CCN4: variants seen among roughly 807,000 people sequenced by gnomAD.
The protein encoded by CCN4 is cellular communication network factor 4.
A neutral mutation model predicts 36.7 loss-of-function variants in CCN4; 30 were observed. That is an observed-to-expected ratio of 0.82 (90% CI 0.61 to 1.11). The LOEUF (loss-of-function observed/expected upper bound fraction) is 1.11, where lower values mean the gene tolerates loss of function less well. CCN4 is among the 50% of genes least tolerant of loss of function. The pLI is 0.00. For missense variants in CCN4, 505 were observed against 504.9 expected (o/e 1.00, Z 0.00); for synonymous variants, 191 against 195.4 (o/e 0.98, Z 0.19).
At chr8:133,215,634 C>T (rs1424620417) in intron 2 of CCN4, among the ~76,000 whole-genome samples, 8 of 152,106 alleles carry the variant, frequency 5.3e-5, no homozygotes, top group Non-Finnish European at 1.0e-4. Context: ...CCTCCTCACC[C>T]CCTATCTCTG....
intron 1 of CCN4, among the ~76,000 whole-genome samples, chr8:133,210,538 A>G (rs1413697623): frequency 6.6e-6 from 1 of 152,108 alleles, no homozygotes; most frequent in Non-Finnish European, 1.5e-5. Context: ...GCCAACCCCA[A>G]GAGCTCTCTG....
At chr8:133,207,551 T>C (rs1451153386) in intron 1 of CCN4, among the ~76,000 whole-genome samples, 1 of 152,258 alleles carries the variant, frequency 6.6e-6, no homozygotes, top group Non-Finnish European at 1.5e-5. Context: ...AGGCAGACCT[T>C]GGTTCCATCC....
At chr8:133,194,644 T>TGTTGA (rs1853276856) in intron 1 of CCN4, among the ~76,000 whole-genome samples, 1 of 90,454 alleles carries the variant, frequency 1.1e-5, no homozygotes, top group African/African-American at 4.5e-5. Context: ...GTGGGGTGTG[T>TGTTGA]GCGTGTGTGC....
At chr8:133,225,756 A>T (rs1854711504) in intron 4 of CCN4, among the ~76,000 whole-genome samples, 173 bp downstream of exon 4, 1 of 152,198 alleles carries the variant, frequency 6.6e-6, no homozygotes, top group African/African-American at 2.4e-5. Context: ...AGATTGGTGC[A>T]TTGTGAATTT....
At chr8:133,209,429 T>C (rs1853906109) in intron 1 of CCN4, among the ~76,000 whole-genome samples, 1 of 152,126 alleles carries the variant, frequency 6.6e-6, no homozygotes, top group African/African-American at 2.4e-5. Flanking sequence ...TCTGGGAGAT[T>C]TTCTACCACT....
rs563542574 is a variant in CCN4, at chr8:133,230,146, T to C, written c.*2436T>C. On this transcript the variant is annotated 3_prime_UTR_variant, in exon 5 of 5. Transcript: ENST00000250160. ...AATGGGTGCAGGAAGGTGGTCAGAA[T>C]AACCCAGTCGCCATTGGTTTTGAGA... 5 of 152,362 alleles carry C rather than the reference T, an allele frequency of 3.3e-5. No individual in the cohort carries two copies. In the South Asian group the frequency reaches 1.0e-3, roughly 32 times the overall value. 9.4% of individuals were successfully genotyped at this position (152,362 alleles called of 1,614,324 possible). A position where few individuals can be genotyped will look rare whatever the true frequency, so the allele number is the denominator to read the frequency against.
intron 3 of CCN4, among the ~76,000 whole-genome samples, chr8:133,223,689 T>C (rs1854617361): frequency 6.6e-6 from 1 of 152,056 alleles, no homozygotes; most frequent in African/African-American, 2.4e-5. Flanking sequence ...TCTTTCTCTC[T>C]CTTTTCTCTG....
intron 1 of CCN4, among the ~76,000 whole-genome samples, chr8:133,193,703 A>C (rs188795063): frequency 2.0e-5 from 3 of 152,360 alleles, no homozygotes; most frequent in East Asian, 3.9e-4. Context: ...CTTAACAGAT[A>C]TGAAAACTGA....
intron 2 of CCN4, among the ~76,000 whole-genome samples, chr8:133,215,284 A>C (rs2130592957): frequency 6.6e-6 from 1 of 152,266 alleles, no homozygotes; most frequent in Non-Finnish European, 1.5e-5. Flanking sequence ...ATGCATGCTA[A>C]AGTTCAAGAA....
chr8:133,226,184 T>G (rs1316165616), intron 4 of CCN4, among the ~76,000 whole-genome samples: 1 of 152,220 alleles, frequency 6.6e-6, no homozygotes, highest in Non-Finnish European at 1.5e-5. Context: ...TGGATCTGAT[T>G]TATCTAATTC....
rs185239347 is a variant in CCN4 at position 133,217,198 on chromosome 8, G to T, written c.350-3383G>T. Reference sequence around the variant, plus strand: ...TGGCAGGAGCTGAATAAAGAGTACAGCTCACCCCAGTTCCCATCCATCCAT... The same window carrying T: ...TGGCAGGAGCTGAATAAAGAGTACATCTCACCCCAGTTCCCATCCATCCAT... On this transcript the variant is annotated intron_variant, in intron 2 of 4. Transcript: ENST00000250160. Among the ~76,000 whole-genome samples, 22 of 152,338 alleles carry T rather than the reference G, an allele frequency of 1.4e-4. No homozygotes were observed. The East Asian group carries it at 4.2e-3, about 29-fold the overall frequency.
At position 133,229,803 on chromosome 8, in the gene CCN4, G is replaced by C. The variant is rs1383049102; in HGVS notation, c.*2093G>C. The C allele has an allele frequency of 1.3e-5, 2 of 152,212 alleles. No individual in the cohort carries two copies. Among genetic ancestry groups the C allele is most frequent in the Non-Finnish European group, 2.9e-5 (2 of 68,038 alleles). The allele number at this position is 152,212 out of a possible 1,614,324, so 9.4% of individuals were successfully genotyped here. On this transcript the variant is annotated 3_prime_UTR_variant, in exon 5 of 5. Coordinates refer to ENST00000250160, the MANE Select transcript of CCN4 (RefSeq NM_003882.4). ...TTATATTAAGTGCCTTAGCAAAAGA[G>C]ACATTTAATATTTCAAAGAAATGCA...
chr8:133,223,106 T>C (rs1854592554), intron 3 of CCN4, among the ~76,000 whole-genome samples: 1 of 151,888 alleles, frequency 6.6e-6, no homozygotes, highest in Non-Finnish European at 1.5e-5. Flanking sequence ...AGCAGTCCTG[T>C]GAGGATAGGA....
chr8:133,196,229 C>A (rs910336488), intron 1 of CCN4, among the ~76,000 whole-genome samples: 3 of 152,188 alleles, frequency 2.0e-5, no homozygotes, highest in Non-Finnish European at 4.4e-5. Context: ...TAATCTAGAC[C>A]AGCCAGTCAG....
Position 133,201,971 on chromosome 8 carries a change from T to G in CCN4, c.69+10758T>G, listed in dbSNP as rs1425202612. Among the ~76,000 whole-genome samples, 6 of 152,220 alleles carry G rather than the reference T, an allele frequency of 3.9e-5. No individual in the cohort carries two copies. In the South Asian group the frequency reaches 1.0e-3, roughly 26 times the overall value. On this transcript the variant is annotated intron_variant, in intron 1 of 4. Coordinates refer to ENST00000250160, the MANE Select transcript of CCN4 (RefSeq NM_003882.4). Reference sequence around the variant, plus strand: ...TGCGTATGTAGGGTTCGTTATATTATTCTCTCAACGTGGGTGAATATTTAA... The same window carrying G: ...TGCGTATGTAGGGTTCGTTATATTAGTCTCTCAACGTGGGTGAATATTTAA...
At chr8:133,210,841 G>A (rs545917163) in intron 1 of CCN4, among the ~76,000 whole-genome samples, 19 of 152,342 alleles carry the variant, frequency 1.2e-4, no homozygotes, top group Non-Finnish European at 2.2e-4. Context: ...GCAGGTCAGC[G>A]AGTCAGGAGA....
Position 133,191,142 on chromosome 8 carries a change from G to C in CCN4, c.-3G>C. On this transcript the variant is annotated 5_prime_UTR_variant, in exon 1 of 5. Transcript: ENST00000250160. ...TCGATGCCTGTGCCACTGACGTCCA[G>C]GCATGAGGTGGTTCCTGCCCTGGAC... 6.2e-7 allele frequency: 1 copy of C among 1,606,504 alleles called. No homozygotes were observed. The highest frequency in any genetic ancestry group is 8.5e-7 in the Non-Finnish European group (1 of 1,179,884).
intron 1 of CCN4, among the ~76,000 whole-genome samples, chr8:133,211,372 T>C (rs1854023514): frequency 6.6e-6 from 1 of 152,224 alleles, no homozygotes; most frequent in African/African-American, 2.4e-5. Flanking sequence ...TAAGAGAGAC[T>C]ATGAGCTAAC....
At chr8:133,213,920 TTATA>T (rs1854173356) in intron 2 of CCN4, among the ~76,000 whole-genome samples, 1 of 37,584 alleles carries the variant, frequency 2.7e-5, no homozygotes, top group Non-Finnish European at 7.1e-5. Flanking sequence ...TATATAGTAG[TTATA>T]TATACTATAT....
Sources: allele counts gnomAD v4.1 joint callset (sites outside exome capture counted in the v4.1 genomes callset), GRCh38; gene constraint gnomAD v4.1.1; transcripts MANE v1.5; gene names NCBI Gene and HGNC (gene_info 2026-07-23, HGNC 2026-07-21).